Variants in ABCA4 observed in about 807,000 individuals in gnomAD.
The protein encoded by ABCA4 is ATP binding cassette subfamily A member 4, also known as retinal-specific phospholipid-transporting ATPase ABCA4.
Under a neutral mutation model 263.7 loss-of-function variants are expected in ABCA4, and 196 were observed. That is an observed-to-expected ratio of 0.74 (90% confidence interval 0.66 to 0.84). ABCA4 has a LOEUF of 0.84. ABCA4 is among the 40% of genes least tolerant of loss of function. The probability of loss-of-function intolerance (pLI) is 0.00; values close to 1 mark genes in which losing one functional copy is unlikely to be tolerated. For synonymous variants in ABCA4, 1,133 were observed against 1,094.2 expected (o/e 1.04, Z -0.70); for missense variants, 2,792 against 2,855.1 (o/e 0.98, Z 0.50).
intron 47 of ABCA4, among the ~76,000 whole-genome samples, chr1:93,999,532 C>A (rs1323663749): frequency 8.5e-6 from 1 of 117,502 alleles, no homozygotes; most frequent in Non-Finnish European, 1.7e-5. Flanking sequence ...TTGGTGCTTT[C>A]TTTCTCCTTC....
intron 1 of ABCA4, among the ~76,000 whole-genome samples, chr1:94,117,762 G>A (rs925787770): frequency 2.0e-5 from 3 of 151,906 alleles, no homozygotes; most frequent in African/African-American, 4.8e-5. Context: ...TCTACTCCAC[G>A]GTCTCCACGT....
intron 47 of ABCA4, 89 bp from the exon 48 acceptor site, chr1:93,998,199 T>C: frequency 6.3e-7 from 1 of 1,594,630 alleles, no homozygotes; most frequent in South Asian, 1.1e-5. Context: ...ATCAGAAATT[T>C]TGGGGATTAA....
chr1:94,046,304 AT>A (rs375586229), intron 19 of ABCA4, among the ~76,000 whole-genome samples: 19,265 of 107,076 alleles, frequency 0.18, 2,753 homozygotes, highest in Non-Finnish European at 0.28. Context: ...AAAAAAAAAA[AT>A]ACAAAAATTA....
intron 20 of ABCA4, among the ~76,000 whole-genome samples, chr1:94,043,747 T>C (rs1557778788): frequency 6.7e-6 from 1 of 148,892 alleles, no homozygotes; most frequent in Non-Finnish European, 1.5e-5. Flanking sequence ...ATGTTCCTGA[T>C]ATCTTATGTT....
intron 16 of ABCA4, among the ~76,000 whole-genome samples, chr1:94,054,038 G>A (rs1570384869): frequency 6.6e-6 from 1 of 152,190 alleles, no homozygotes; most frequent in South Asian, 2.1e-4. Flanking sequence ...CAAGGCTATT[G>A]GCTGACTTGG....
chr1:94,078,677 G>A lies in ABCA4; in HGVS notation c.1269C>T (p.His423=), dbSNP rs4147831. The A allele has an allele frequency of 0.082, 131,814 of 1,608,676 alleles. 5,818 individuals carry two copies. The highest frequency in any genetic ancestry group is 0.13 in the East Asian group (5,953 of 44,542). ...NANSTFEELE[H]VRKLVKAWEE... ...CCCAGGCTTTGACCAACTTCCTAACGTGTTCCAGTTCTTCAAAAGTTGAGT... is the reference window on the plus strand; with the variant it reads ...CCCAGGCTTTGACCAACTTCCTAACATGTTCCAGTTCTTCAAAAGTTGAGT... Residue 423 remains histidine, a synonymous_variant, in exon 10 of 50, where the codon CAC becomes CAT. Coordinates refer to ENST00000370225, the MANE Select transcript of ABCA4 (RefSeq NM_000350.3).
At chr1:94,117,185 G>A (rs1170869728) in intron 1 of ABCA4, among the ~76,000 whole-genome samples, 1 of 151,750 alleles carries the variant, frequency 6.6e-6, no homozygotes, top group African/African-American at 2.4e-5. Context: ...TTAGAACTGA[G>A]CCTGTTAAAT....
At chr1:94,090,188 GTT>G (rs1661934249) in intron 6 of ABCA4, among the ~76,000 whole-genome samples, 1 of 152,220 alleles carries the variant, frequency 6.6e-6, no homozygotes, top group African/African-American at 2.4e-5. Context: ...CCAGGAATCA[GTT>G]TTGTTTTCTC....
intron 4 of ABCA4, among the ~76,000 whole-genome samples, chr1:94,105,360 T>A (rs956698598): frequency 5.3e-5 from 8 of 151,530 alleles, no homozygotes; most frequent in African/African-American, 1.9e-4. Context: ...AAGCTGGGAG[T>A]GATGTTGCCC....
chr1:94,083,541 C>A, intron 6 of ABCA4, 100 bp from the exon 7 acceptor site: 1 of 833,442 alleles, frequency 1.2e-6, no homozygotes, highest in East Asian at 2.5e-5. Flanking sequence ...AAAACTCCCC[C>A]CCTCCTTCTT....
intron 44 of ABCA4, among the ~76,000 whole-genome samples, chr1:94,004,668 C>T (rs1462315051): frequency 6.6e-6 from 1 of 152,102 alleles, no homozygotes; most frequent in Non-Finnish European, 1.5e-5. Flanking sequence ...TGCCTACTTC[C>T]CATTCTTACT....
intron 40 of ABCA4, 171 bp downstream of exon 40, chr1:94,010,629 C>A (rs1244962261): frequency 2.2e-6 from 2 of 916,756 alleles, no homozygotes; most frequent in Non-Finnish European, 3.5e-6. Context: ...TTGAATGTGC[C>A]TATTTTAACC....
chr1:94,113,061 G>A lies in ABCA4; in HGVS notation c.72C>T (p.Arg24=). 2.5e-6 allele frequency: 4 copies of A among 1,614,052 alleles called. No homozygotes were observed. Among genetic ancestry groups the A allele is most frequent in the Non-Finnish European group, 3.4e-6 (4 of 1,179,978 alleles). ...NWTLRKRQKI[R]FVVELVWPLS... ...AAGGCCACACGAGTTCCACCACAAAGCGAATCTGGAAAAACAAAACAAAAA... is the reference window on the plus strand; with the variant it reads ...AAGGCCACACGAGTTCCACCACAAAACGAATCTGGAAAAACAAAACAAAAA... The change falls in exon 2 of 50, where the codon CGC becomes CGT. Residue 24 remains arginine (R), a synonymous_variant. Transcript: ENST00000370225.
rs867584049 is a variant in ABCA4 at position 94,003,486 on chromosome 1, C to T, written c.6148-1494G>A. 1.2e-4 allele frequency among the ~76,000 whole-genome samples: 18 copies of T among 152,092 alleles called. No individual in the cohort carries two copies. The Middle Eastern group carries it at 0.01, about 87-fold the overall frequency. ...GTGTCCTTCACAGGGTATCACATCTCGGGGCATGAGATGTCCATCTGCCCC... is the reference window on the plus strand; with the variant it reads ...GTGTCCTTCACAGGGTATCACATCTTGGGGCATGAGATGTCCATCTGCCCC... On this transcript the variant is annotated intron_variant, in intron 44 of 49. Transcript: ENST00000370225.
intron 47 of ABCA4, among the ~76,000 whole-genome samples, chr1:94,000,168 G>A (rs1659134655): frequency 6.6e-6 from 1 of 152,182 alleles, no homozygotes; most frequent in Non-Finnish European, 1.5e-5. Context: ...ATAAGTGTTT[G>A]TTAAATAAAT....
rs757545714 is a variant in ABCA4, at chr1:94,014,642, G to T, written c.5361C>A (p.Val1787=). The T allele has an allele frequency of 6.2e-7, 1 of 1,614,206 alleles. No individual in the cohort carries two copies. Among genetic ancestry groups the T allele is most frequent in the Non-Finnish European group, 8.5e-7 (1 of 1,180,030 alleles). The change falls in exon 38 of 50, where the codon GTC becomes GTA. Residue 1787 remains valine (V), a synonymous_variant. Coordinates refer to ENST00000370225, the MANE Select transcript of ABCA4 (RefSeq NM_000350.3). ...MMYPASFLFD[V]PSTAYVALSC... ...ATAAAGCCACATAGGCTGTGCTGGG[G>T]ACATCAAACAGGAAGGATGCTGGGT...
At position 94,021,276 on chromosome 1, in the gene ABCA4, AG is replaced by A. The variant is rs2101022823; in HGVS notation, c.4981del (p.Leu1661Ter). 6.2e-7 allele frequency: 1 copy of A among 1,614,218 alleles called. No individual in the cohort carries two copies. Among genetic ancestry groups the A allele is most frequent in the Non-Finnish European group, 8.5e-7 (1 of 1,180,036 alleles). On this transcript the variant is annotated frameshift_variant, in exon 35 of 50. Coordinates refer to ENST00000370225, the MANE Select transcript of ABCA4 (RefSeq NM_000350.3). LOFTEE classifies it high-confidence loss of function. ...TGAGAGCTGCTCCTTGGTCAGGTTCAGGGGTTGGCTAATGACGGTGATTCCA... is the reference window on the plus strand; with the variant it reads ...TGAGAGCTGCTCCTTGGTCAGGTTCAGGGTTGGCTAATGACGGTGATTCCA... Reference protein sequence around the residue: ...EYGITVISQPLNLTKEQLSEI... With the variant: ...EYGITVISQPXNLTKEQLSEI...
chr1:94,089,557 G>A (rs1435657283), intron 6 of ABCA4, among the ~76,000 whole-genome samples: 4 of 150,534 alleles, frequency 2.7e-5, no homozygotes, highest in East Asian at 2.0e-4. Context: ...TCCGCCTCCC[G>A]GGTTCAAGTG....
rs1354765385 is a variant in ABCA4 at position 94,056,593 on chromosome 1, G to A, written c.2382+8C>T. Reference sequence around the variant, plus strand: ...GTTGTAGGACAGGGGCCAGCCCAAGGGCCTCACCACAGCCTTCTTCAGCTC... The same window carrying A: ...GTTGTAGGACAGGGGCCAGCCCAAGAGCCTCACCACAGCCTTCTTCAGCTC... On this transcript the variant is annotated splice_region_variant and intron_variant, in intron 15 of 49. Transcript: ENST00000370225. 1.2e-6 allele frequency: 2 copies of A among 1,611,982 alleles called. No individual in the cohort carries two copies. Among genetic ancestry groups the A allele is most frequent in the Admixed American group, 1.7e-5 (1 of 60,006 alleles).
Sources: gnomAD v4.1 joint callset for allele counts (sites outside exome capture counted in the v4.1 genomes callset) on GRCh38, gnomAD v4.1.1 for gene constraint, MANE v1.5 for transcripts, NCBI Gene and HGNC (gene_info 2026-07-23, HGNC 2026-07-21) for gene names.